Variants in SULT6B1 observed in about 807,000 individuals in gnomAD.
The protein encoded by SULT6B1 is sulfotransferase family 6B member 1.
Under a neutral mutation model 37.2 loss-of-function variants are expected in SULT6B1, and 44 were observed. That is an observed-to-expected ratio of 1.18 (90% CI 0.93 to 1.52). SULT6B1 has a LOEUF of 1.52. Ranked by LOEUF, SULT6B1 falls within the 40% of genes most tolerant of loss-of-function variation. The probability of loss-of-function intolerance (pLI) is 0.00; values close to 1 mark genes in which losing one functional copy is unlikely to be tolerated. For missense variants in SULT6B1, 450 were observed against 361.0 expected (o/e 1.25, Z -2.00); for synonymous variants, 140 against 126.0 (o/e 1.11, Z -0.74).
At chr2:37,183,567 T>C (rs1008390007) in intron 2 of SULT6B1, 53 bp from the exon 3 acceptor site, 10 of 1,381,604 alleles carry the variant, frequency 7.2e-6, no homozygotes, top group Non-Finnish European at 9.3e-6. Flanking sequence ...CATGTGTGTG[T>C]GTGTGTTGAA....
intron 1 of SULT6B1, among the ~76,000 whole-genome samples, chr2:37,193,804 C>G (rs1399462614): frequency 6.6e-6 from 1 of 152,184 alleles, no homozygotes; most frequent in East Asian, 1.9e-4. Context: ...TTTTAGCCTG[C>G]TTCTGTGCTT....
chr2:37,187,288 A>C (rs6724820), intron 2 of SULT6B1, 67 bp downstream of exon 2: 374,427 of 1,083,234 alleles, frequency 0.35, 68,129 homozygotes, highest in Middle Eastern at 0.4. Flanking sequence ...AAAACTAAAG[A>C]ATCTCCAAAC....
At chr2:37,196,042 T>C (rs1449430474) in intron 1 of SULT6B1, 1 of 152,222 alleles carries the variant, frequency 6.6e-6, no homozygotes, top group Non-Finnish European at 1.5e-5. Context: ...TTAGCCAGGA[T>C]GGTCTCGGTC....
upstream of SULT6B1, among the ~76,000 whole-genome samples, chr2:37,193,643 AAGAAGAAGG>A (rs1194098965): frequency 1.4e-4 from 19 of 132,374 alleles, no homozygotes; most frequent in African/African-American, 4.1e-4. Context: ...GAAGAAGAAG[AAGAAGAAGG>A]AGAAGAAGGA....
chr2:37,171,539 T>C lies in SULT6B1; in HGVS notation c.676A>G (p.Thr226Ala), dbSNP rs770863333. ...GAGATAGTTTGAATTTGCTCCCCAG[T>C]TAGAAAGAATCCCAAGAACTCAGCA... ...QIAEFLGFFLTGEQIQTISVQ... is the reference protein window; with the variant it reads ...QIAEFLGFFLAGEQIQTISVQ... Residue 226 changes from threonine to alanine, a missense_variant, in exon 6 of 7, where the codon ACT becomes GCT. Transcript: ENST00000535679. 1 of 1,614,148 alleles carries C rather than the reference T, an allele frequency of 6.2e-7. No homozygotes were observed. The highest frequency in any genetic ancestry group is 8.5e-7 in the Non-Finnish European group (1 of 1,180,010).
Position 37,183,432 on chromosome 2 carries a change from T to G in SULT6B1, c.395A>C (p.Lys132Thr). 6.2e-7 allele frequency: 1 copy of G among 1,613,676 alleles called. No individual in the cohort carries two copies. The highest frequency in any genetic ancestry group is 8.5e-7 in the Non-Finnish European group (1 of 1,179,592). The change falls in exon 3 of 7, where the codon AAA (lysine) becomes ACA (threonine). Residue 132 changes from lysine to threonine, a missense_variant. Physicochemically the swap from Lys to Thr is moderately conservative, Grantham distance 78 (BLOSUM62 -1). Coordinates refer to ENST00000535679, the MANE Select transcript of SULT6B1 (RefSeq NM_001367551.1). ...DKLPGSIFEN[K>T]AKILVIFRNP... is the part of the protein sequence containing the mutation. The stretch of plus-strand genomic sequence containing the variant: ...GTAGGAAAGGACACTCACCTTGGCT[T>G]TATTCTCGAAGATAGACCCAGGTAA...
chr2:37,193,081 T>C (rs1263950319), upstream of SULT6B1, among the ~76,000 whole-genome samples: 1 of 152,182 alleles, frequency 6.6e-6, no homozygotes, highest in Non-Finnish European at 1.5e-5. Context: ...ATATTGGAGA[T>C]AAATTACCGC....
At chr2:37,176,114 G>T (rs116654342) in intron 4 of SULT6B1, among the ~76,000 whole-genome samples, 3,629 of 152,242 alleles carry the variant, frequency 0.024, 65 homozygotes, top group Middle Eastern at 0.058. Flanking sequence ...AGCTGTGCTG[G>T]TTACTAGCTC....
upstream of SULT6B1, among the ~76,000 whole-genome samples, chr2:37,192,695 T>G (rs539716265): frequency 2.6e-5 from 4 of 152,330 alleles, no homozygotes; most frequent in South Asian, 8.3e-4. Flanking sequence ...CAGGTAGAAT[T>G]TAAAACATTG....
chr2:37,190,438 T>C (rs998841370), upstream of SULT6B1, among the ~76,000 whole-genome samples: 6 of 152,220 alleles, frequency 3.9e-5, no homozygotes, highest in African/African-American at 9.6e-5. Context: ...GCTAACATTA[T>C]TGAGTACTTG....
intron 2 of SULT6B1, among the ~76,000 whole-genome samples, chr2:37,187,011 C>T (rs570785909): frequency 7.2e-4 from 110 of 152,332 alleles, no homozygotes; most frequent in African/African-American, 2.3e-3. Flanking sequence ...TCTCAGCTTA[C>T]TTTCCCCCTA....
intron 4 of SULT6B1, among the ~76,000 whole-genome samples, chr2:37,175,796 A>T (rs1676411945): frequency 6.6e-6 from 1 of 152,228 alleles, no homozygotes. Flanking sequence ...GCCATGGAGT[A>T]TGAGACATAT....
intron 2 of SULT6B1, among the ~76,000 whole-genome samples, chr2:37,186,051 GT>G (rs1440772358): frequency 6.6e-6 from 1 of 152,122 alleles, no homozygotes; most frequent in Non-Finnish European, 1.5e-5. Flanking sequence ...TTTACCATGT[GT>G]TTTTCTGCTA....
intron 3 of SULT6B1, among the ~76,000 whole-genome samples, chr2:37,183,173 T>G (rs11124565): frequency 0.3 from 45,622 of 152,144 alleles, 7,873 homozygotes; most frequent in East Asian, 0.79. Context: ...ATTCAGAAAA[T>G]TATTCACTGT....
At chr2:37,181,707 A>G (rs1345879566) in intron 3 of SULT6B1, among the ~76,000 whole-genome samples, 2 of 152,020 alleles carry the variant, frequency 1.3e-5, no homozygotes, top group African/African-American at 4.8e-5. Flanking sequence ...TTGCCCTTAT[A>G]TTCTTACAAA....
At chr2:37,173,747 C>T (rs1676355410) in intron 5 of SULT6B1, among the ~76,000 whole-genome samples, 1 of 152,222 alleles carries the variant, frequency 6.6e-6, no homozygotes, top group African/African-American at 2.4e-5. Context: ...CAACATATAT[C>T]CAGAATCCAA....
At chr2:37,184,431 A>G (rs1676625315) in intron 2 of SULT6B1, among the ~76,000 whole-genome samples, 1 of 152,362 alleles carries the variant, frequency 6.6e-6, no homozygotes, top group East Asian at 1.9e-4. Context: ...AAAATTATCT[A>G]TTTAATCTGC....
intron 1 of SULT6B1, 46 bp downstream of exon 1, chr2:37,188,396 T>G: frequency 6.5e-7 from 1 of 1,527,596 alleles, no homozygotes; most frequent in Non-Finnish European, 9.0e-7. Context: ...CTCCCCAACC[T>G]ACTCACTATG....
intron 3 of SULT6B1, among the ~76,000 whole-genome samples, chr2:37,182,008 G>C (rs1326175023): frequency 2.0e-5 from 3 of 152,152 alleles, no homozygotes; most frequent in African/African-American, 4.8e-5. Context: ...AATTAGCATA[G>C]ATGACCTTTA....
Sources: allele counts gnomAD v4.1 joint callset (sites outside exome capture counted in the v4.1 genomes callset), GRCh38; gene constraint gnomAD v4.1.1; transcripts MANE v1.5; gene names NCBI Gene and HGNC (gene_info 2026-07-23, HGNC 2026-07-21).